The following IRAG2 variants were observed in gnomAD, a reference collection of about 807,000 sequenced individuals.
IRAG2 encodes the protein lymphoid restricted membrane protein.
In IRAG2, 45 loss-of-function variants were observed where a neutral mutation model predicts 69.9. The ratio of observed to expected loss-of-function variants is 0.64; its 90% CI spans 0.51 to 0.83. IRAG2 has a LOEUF of 0.83. IRAG2 is among the 40% of genes least tolerant of loss of function. The probability of loss-of-function intolerance (pLI) is 0.00; values close to 1 mark genes in which losing one functional copy is unlikely to be tolerated. For missense variants in IRAG2, 520 were observed against 587.0 expected, an observed-to-expected ratio of 0.89 and a Z score of 1.18; for synonymous variants, 193 against 202.4, an observed-to-expected ratio of 0.95 and a Z score of 0.40.
intron 2 of IRAG2, among the ~76,000 whole-genome samples, chr12:25,010,413 G>A (rs1007342199): frequency 1.3e-5 from 2 of 151,956 alleles, no homozygotes; most frequent in Non-Finnish European, 2.9e-5. Flanking sequence ...AGAGATTGAG[G>A]TTGCAGTGAA....
In IRAG2 at chr12:25,103,861, A is replaced by G. The variant is rs1948888456; in HGVS notation, c.958A>G (p.Ile320Val). ...GCCATCTTCTCTACGAAGAGTGACT[A>G]TTGCCTCTTTACCCAGAAATATTGG... is the stretch of plus-strand genomic sequence containing the variant. Reference protein sequence around the residue: ...SKPSSLRRVTIASLPRNIGNA... With the variant: ...SKPSSLRRVTVASLPRNIGNA... The change falls in exon 18 of 22, where the codon ATT (isoleucine) becomes GTT (valine). Residue 320 changes from isoleucine (I) to valine (V), a missense_variant. Ile to Val is a conservative substitution (Grantham distance 29). Transcript: ENST00000556887. 1 of 1,613,196 alleles carries G rather than the reference A, an allele frequency of 6.2e-7. No individual in the cohort carries two copies. The highest frequency in any genetic ancestry group is 8.5e-7 in the Non-Finnish European group (1 of 1,179,354).
chr12:25,028,024 A>G (rs146845144), intron 9 of IRAG2, among the ~76,000 whole-genome samples: 6,722 of 152,162 alleles, frequency 0.044, 296 homozygotes, highest in African/African-American at 0.12. Flanking sequence ...CTCCAGGTTC[A>G]AGGGATCCTC....
At chr12:25,076,087 A>T (rs1394130245) in intron 6 of IRAG2, among the ~76,000 whole-genome samples, 2 of 152,196 alleles carry the variant, frequency 1.3e-5, no homozygotes, top group Admixed American at 1.3e-4. Flanking sequence ...TCAAAAAAAA[A>T]ATCTTCTTTA....
intron 16 of IRAG2, among the ~76,000 whole-genome samples, chr12:25,043,316 C>T (rs1209251665): frequency 6.6e-6 from 1 of 152,214 alleles, no homozygotes; most frequent in Non-Finnish European, 1.5e-5. Flanking sequence ...AATCAAACCA[C>T]ATGTCCAACA....
chr12:25,066,623 C>T (rs993056588), intron 5 of IRAG2, 111 bp downstream of exon 5: 14 of 393,878 alleles, frequency 3.6e-5, no homozygotes, highest in African/African-American at 8.3e-5. Flanking sequence ...TCTTTATTGT[C>T]GAACTTCTCT....
intron 16 of IRAG2, among the ~76,000 whole-genome samples, chr12:25,039,958 G>A (rs188227285): frequency 6.6e-6 from 1 of 152,188 alleles, no homozygotes; most frequent in Admixed American, 6.5e-5. Context: ...ACCCAGCTGG[G>A]ATTAAGTGAC....
intron 16 of IRAG2, among the ~76,000 whole-genome samples, chr12:25,038,359 C>T (rs1204210063): frequency 1.3e-5 from 2 of 152,002 alleles, no homozygotes; most frequent in African/African-American, 2.4e-5. Context: ...TCTGTGGAAA[C>T]CAGCCAAGCG....
In IRAG2 at chr12:25,012,143, C is replaced by CTTTTTTT. The variant is rs1944480147; in HGVS notation, c.896+592_896+593insTTTTTTT. Among the ~76,000 whole-genome samples the CTTTTTTT allele has an allele frequency of 1.1e-3, 26 of 24,096 alleles. 11 individuals are homozygous for CTTTTTTT. The South Asian group carries it at 0.028, about 26-fold the overall frequency. 15.8% of individuals were successfully genotyped at this position (24,096 alleles called of 152,430 possible). On this transcript the variant is annotated intron_variant, in intron 3 of 38. Transcript: ENST00000636465. Reference sequence around the variant, plus strand: ...GTCTTCTTCCACAGAAAGCGAATTCCCTTTTTTTTTTTTTTTTTTTTTTTT... The same window carrying CTTTTTTT: ...GTCTTCTTCCACAGAAAGCGAATTCCTTTTTTTCTTTTTTTTTTTTTTTTTTTTTTTT...
intron 6 of IRAG2, among the ~76,000 whole-genome samples, chr12:25,018,487 G>A (rs1485087324): frequency 6.6e-6 from 1 of 151,936 alleles, no homozygotes; most frequent in Non-Finnish European, 1.5e-5. Flanking sequence ...ATTACAGGAG[G>A]GGGAGCCACT....
intron 3 of IRAG2, among the ~76,000 whole-genome samples, chr12:25,014,728 A>G (rs939871224): frequency 6.6e-6 from 1 of 151,870 alleles, no homozygotes; most frequent in African/African-American, 2.4e-5. Context: ...ATGTATCCCA[A>G]AGTATTCATT....
chr12:25,083,872 G>A (rs1339400465), intron 10 of IRAG2, among the ~76,000 whole-genome samples: 1 of 152,186 alleles, frequency 6.6e-6, no homozygotes, highest in Non-Finnish European at 1.5e-5. Context: ...CTATCCTAAC[G>A]ATATGTTCTA....
upstream of IRAG2, among the ~76,000 whole-genome samples, chr12:25,048,000 G>C (rs918177164): frequency 6.6e-6 from 1 of 152,060 alleles, no homozygotes; most frequent in Non-Finnish European, 1.5e-5. Flanking sequence ...TGGGTCAAAT[G>C]GTATTTCTAC....
At chr12:25,080,508 C>A (rs942520335) in intron 9 of IRAG2, among the ~76,000 whole-genome samples, 1 of 151,950 alleles carries the variant, frequency 6.6e-6, no homozygotes, top group African/African-American at 2.4e-5. Flanking sequence ...CCCGCCACCA[C>A]GCCCATCTAA....
chr12:25,077,396 A>ATATATATG (rs1946898969), intron 6 of IRAG2, among the ~76,000 whole-genome samples: 1 of 132,118 alleles, frequency 7.6e-6, no homozygotes, highest in African/African-American at 3.2e-5. Context: ...ATATATATGA[A>ATATATATG]ATATATATAC....
Position 25,088,157 on chromosome 12 carries a change from G to A in IRAG2, c.373G>A (p.Asp125Asn). 1 of 1,611,944 alleles carries A rather than the reference G, an allele frequency of 6.2e-7. No homozygotes were observed. Among genetic ancestry groups the A allele is most frequent in the African/African-American group, 1.3e-5 (1 of 74,970 alleles). Residue 125 changes from aspartate to asparagine, a missense_variant and splice_region_variant, in exon 11 of 22, where the codon GAC (aspartate) becomes AAC (asparagine). By Grantham distance (23) the Asp-to-Asn change is conservative. Transcript: ENST00000556887. ...EEHKKEHASG[D>N]SVVSPLPVTT... Reference sequence around the variant, plus strand: ...ACATAAAAAAGAACATGCTTCAGGAGGTAAGGAATGTTTCTTTCAATCCCC... The same window carrying A: ...ACATAAAAAAGAACATGCTTCAGGAAGTAAGGAATGTTTCTTTCAATCCCC...
chr12:25,064,458 G>T (rs1003095050), intron 4 of IRAG2, among the ~76,000 whole-genome samples: 2 of 152,156 alleles, frequency 1.3e-5, no homozygotes, highest in East Asian at 3.8e-4. Context: ...AAGGAAAATT[G>T]GGTTGTGGGT....
At chr12:25,012,032 ATAG>A (rs1185517445) in intron 3 of IRAG2, among the ~76,000 whole-genome samples, 1 of 152,134 alleles carries the variant, frequency 6.6e-6, no homozygotes, top group Non-Finnish European at 1.5e-5. Flanking sequence ...ACAAGAAAGA[ATAG>A]TAGAATAGGA....
In IRAG2 at chr12:25,101,176, A is replaced by G; in HGVS notation, c.742-2A>G. On this transcript the variant is annotated splice_acceptor_variant, in intron 15 of 21. Coordinates refer to ENST00000556887, the MANE Select transcript of IRAG2 (RefSeq NM_001366544.2). LOFTEE classifies it high-confidence loss of function. ...AAATGTGCTCGTTTTTTCTCTTGCT[A>G]GGAAAGCCGGGTTAGTAAAGCAGTT... 2 of 1,591,368 alleles carry G rather than the reference A, an allele frequency of 1.3e-6. No homozygotes were observed. The highest frequency in any genetic ancestry group is 8.6e-7 in the Non-Finnish European group (1 of 1,169,142).
intron 9 of IRAG2, among the ~76,000 whole-genome samples, chr12:25,081,188 C>A (rs7315058): frequency 6.6e-6 from 1 of 152,118 alleles, no homozygotes; most frequent in Non-Finnish European, 1.5e-5. Flanking sequence ...TGTGGCTGGG[C>A]GTGGTGGCTC....
Sources: allele counts gnomAD v4.1 joint callset (sites outside exome capture counted in the v4.1 genomes callset), GRCh38; gene constraint gnomAD v4.1.1; transcripts MANE v1.5; gene names NCBI Gene and HGNC (gene_info 2026-07-23, HGNC 2026-07-21).